RANBP17: variants seen among roughly 807,000 people sequenced by gnomAD.
RANBP17 encodes the protein RAN binding protein 17, also known as ran-binding protein 17.
In RANBP17, 158 loss-of-function variants were observed where a neutral mutation model predicts 141.2. The observed-to-expected ratio is 1.12, with a 90% CI of 0.98 to 1.28. The LOEUF (loss-of-function observed/expected upper bound fraction) is 1.28. Ranked by LOEUF, RANBP17 falls within the 50% of genes most tolerant of loss-of-function variation. The pLI, the probability that RANBP17 is intolerant of heterozygous loss-of-function variation, is 0.00. For synonymous variants in RANBP17, 430 were observed against 450.0 expected, an observed-to-expected ratio of 0.96 and a Z score of 0.56; for missense variants, 1,438 against 1,290.7, an observed-to-expected ratio of 1.11 and a Z score of -1.75.
chr5:171,183,264 T>C (rs1180326660), intron 17 of RANBP17, 34 bp downstream of exon 17: 2 of 1,585,840 alleles, frequency 1.3e-6, no homozygotes, highest in Non-Finnish European at 1.7e-6. Flanking sequence ...TGAATAACAT[T>C]TTACGAATAG....
chr5:171,115,727 A>G lies in RANBP17; in HGVS notation c.1711-54403A>G, dbSNP rs543328761. ...TACTGGTATTTCACAGGAAAGGGGA[A>G]GTGGGACTCCCGTGTGGTAAATATC... On this transcript the variant is annotated intron_variant, in intron 14 of 27. Transcript: ENST00000523189. Among the ~76,000 whole-genome samples the G allele has an allele frequency of 5.9e-5, 9 of 152,336 alleles. No individual in the cohort carries two copies. In the South Asian group the frequency reaches 1.9e-3, roughly 32 times the overall value.
At chr5:171,287,133 G>A (rs1768214552) in intron 25 of RANBP17, among the ~76,000 whole-genome samples, 1 of 152,204 alleles carries the variant, frequency 6.6e-6, no homozygotes, top group African/African-American at 2.4e-5. Context: ...GGACAATCTA[G>A]CTTGGTCAGA....
At chr5:171,189,501 A>T (rs1362008313) in intron 18 of RANBP17, among the ~76,000 whole-genome samples, 1 of 152,218 alleles carries the variant, frequency 6.6e-6, no homozygotes, top group African/African-American at 2.4e-5. Flanking sequence ...TGCTCAGTAA[A>T]TGCTTGTTGA....
intron 18 of RANBP17, among the ~76,000 whole-genome samples, chr5:171,192,631 A>G (rs1761724875): frequency 6.6e-6 from 1 of 152,226 alleles, no homozygotes; most frequent in Non-Finnish European, 1.5e-5. Context: ...AAAAAGGCCT[A>G]GAGCAATTCC....
intron 11 of RANBP17, among the ~76,000 whole-genome samples, chr5:170,920,320 G>A (rs1197328549): frequency 6.6e-6 from 1 of 152,112 alleles, no homozygotes; most frequent in Non-Finnish European, 1.5e-5. Flanking sequence ...GTTCTCACTA[G>A]CACTTGATAT....
rs758679148 is a variant in RANBP17 at position 170,911,147 on chromosome 5, T to A, written c.760+13T>A. 1 of 1,610,124 alleles carries A rather than the reference T, an allele frequency of 6.2e-7. No homozygotes were observed. The highest frequency in any genetic ancestry group is 2.2e-5 in the East Asian group (1 of 44,710). ...ACTTGGAGAACAAGTAAGAAAAAAC[T>A]TTGGTATGAAGGGTCATCAACATAA... On this transcript the variant is annotated intron_variant, in intron 7 of 27. Coordinates refer to ENST00000523189, the MANE Select transcript of RANBP17 (RefSeq NM_022897.5).
At chr5:170,976,743 A>G (rs1777403028) in intron 14 of RANBP17, among the ~76,000 whole-genome samples, 1 of 152,158 alleles carries the variant, frequency 6.6e-6, no homozygotes, top group South Asian at 2.1e-4. Flanking sequence ...TGACAAGGGC[A>G]TCAACATAAC....
chr5:171,062,542 TG>T (rs1335868869), intron 14 of RANBP17, among the ~76,000 whole-genome samples: 12 of 152,248 alleles, frequency 7.9e-5, no homozygotes, highest in Admixed American at 2.6e-4. Context: ...GTTAGTCTGA[TG>T]GGCTTCCCTT....
chr5:171,125,480 A>G (rs1468386717), intron 14 of RANBP17, among the ~76,000 whole-genome samples: 2 of 152,102 alleles, frequency 1.3e-5, no homozygotes, highest in African/African-American at 2.4e-5. Flanking sequence ...ATAGTTGTAA[A>G]TATATATGCA....
chr5:171,156,380 C>T (rs1472959570), intron 14 of RANBP17, among the ~76,000 whole-genome samples: 1 of 151,968 alleles, frequency 6.6e-6, no homozygotes, highest in African/African-American at 2.4e-5. Flanking sequence ...TTAGAAGATC[C>T]TTGAGTACCA....
At chr5:171,084,298 T>G (rs1785481810) in intron 14 of RANBP17, among the ~76,000 whole-genome samples, 1 of 147,988 alleles carries the variant, frequency 6.8e-6, no homozygotes, top group African/African-American at 2.5e-5. Context: ...AACTCATCAT[T>G]TTTTATGGCT....
chr5:171,274,151 C>CGT (rs1272956136), intron 25 of RANBP17, among the ~76,000 whole-genome samples: 37 of 111,940 alleles, frequency 3.3e-4, no homozygotes, highest in African/African-American at 1.4e-3. Flanking sequence ...TGTGTGTGTG[C>CGT]GCGCGCGCGC....
intron 24 of RANBP17, among the ~76,000 whole-genome samples, chr5:171,246,749 C>T (rs1159422005): frequency 1.3e-5 from 2 of 152,276 alleles, no homozygotes; most frequent in East Asian, 3.9e-4. Flanking sequence ...AGTGGCATTA[C>T]GAAGGGAATA....
intron 14 of RANBP17, among the ~76,000 whole-genome samples, chr5:171,089,282 G>C (rs1378391891): frequency 4.9e-5 from 5 of 101,472 alleles, no homozygotes; most frequent in African/African-American, 1.2e-4. Flanking sequence ...GGGGTCACGG[G>C]TCAGGGACCC....
chr5:170,982,187 A>T (rs1777818791), intron 14 of RANBP17, among the ~76,000 whole-genome samples: 1 of 152,216 alleles, frequency 6.6e-6, no homozygotes, highest in Admixed American at 6.5e-5. Flanking sequence ...TGCTTTTGTG[A>T]TGAAGAAGCT....
At chr5:170,922,594 T>TA (rs1253387941) in intron 11 of RANBP17, among the ~76,000 whole-genome samples, 2 of 152,164 alleles carry the variant, frequency 1.3e-5, no homozygotes, top group African/African-American at 4.8e-5. Flanking sequence ...AGCAGTGAGT[T>TA]ACGGCTCCGT....
chr5:171,060,368 G>T (rs1354295804), intron 14 of RANBP17, among the ~76,000 whole-genome samples: 1 of 151,590 alleles, frequency 6.6e-6, no homozygotes, highest in South Asian at 2.1e-4. Flanking sequence ...AGAGTTTTTA[G>T]CATGAAGGTG....
intron 14 of RANBP17, among the ~76,000 whole-genome samples, chr5:171,091,286 T>C (rs1045589145): frequency 6.6e-6 from 1 of 152,228 alleles, no homozygotes; most frequent in African/African-American, 2.4e-5. Context: ...AAGATTTTAC[T>C]TCCTCACTGG....
At chr5:171,236,832 T>A (rs1217721754) in intron 22 of RANBP17, among the ~76,000 whole-genome samples, 1 of 152,160 alleles carries the variant, frequency 6.6e-6, no homozygotes, top group African/African-American at 2.4e-5. Context: ...ACCTAGATAG[T>A]AAGGAAAGAT....
Sources: allele counts gnomAD v4.1 joint callset (sites outside exome capture counted in the v4.1 genomes callset), GRCh38; gene constraint gnomAD v4.1.1; transcripts MANE v1.5; gene names NCBI Gene and HGNC (gene_info 2026-07-23, HGNC 2026-07-21).